The following SGCZ variants were observed in gnomAD, a reference collection of about 807,000 sequenced individuals.
SGCZ encodes the protein zeta-sarcoglycan.
Under a neutral mutation model 41.3 loss-of-function variants are expected in SGCZ, and 40 were observed. That is an observed-to-expected ratio of 0.97 (90% CI 0.75 to 1.26). SGCZ has a LOEUF of 1.26. Among genes scored for constraint, SGCZ ranks in the 50% most tolerant of loss-of-function variants. SGCZ has a pLI of 0.00. For missense variants in SGCZ, 552 were observed against 369.8 expected, an observed-to-expected ratio of 1.49 and a Z score of -4.04; for synonymous variants, 206 against 137.5, an observed-to-expected ratio of 1.50 and a Z score of -3.49.
chr8:14,121,822 G>T (rs1208977609), intron 5 of SGCZ, among the ~76,000 whole-genome samples: 1 of 152,098 alleles, frequency 6.6e-6, no homozygotes, highest in Non-Finnish European at 1.5e-5. Context: ...TTAATTTTCT[G>T]TTCTGTAAAA....
chr8:14,138,824 C>T (rs1803280857), intron 5 of SGCZ, among the ~76,000 whole-genome samples: 1 of 152,172 alleles, frequency 6.6e-6, no homozygotes, highest in Admixed American at 6.5e-5. Context: ...TTGAACTCAG[C>T]TCTGCACCAA....
At chr8:14,709,687 A>T (rs973234072) in intron 1 of SGCZ, among the ~76,000 whole-genome samples, 1 of 152,228 alleles carries the variant, frequency 6.6e-6, no homozygotes, top group Non-Finnish European at 1.5e-5. Context: ...CAAAATGAAA[A>T]AAAAAAGACA....
At chr8:14,383,896 T>C (rs949238586) in intron 2 of SGCZ, among the ~76,000 whole-genome samples, 1 of 151,902 alleles carries the variant, frequency 6.6e-6, no homozygotes, top group Non-Finnish European at 1.5e-5. Flanking sequence ...AGGCATTAAG[T>C]AACACGCTCC....
chr8:14,360,538 C>A (rs1330801680), intron 2 of SGCZ, among the ~76,000 whole-genome samples: 2 of 152,052 alleles, frequency 1.3e-5, no homozygotes, highest in Non-Finnish European at 2.9e-5. Context: ...GTTGGCCAGG[C>A]TGGTCTCGAA....
intron 1 of SGCZ, among the ~76,000 whole-genome samples, chr8:15,161,892 G>C (rs1040677811): frequency 6.6e-6 from 1 of 152,050 alleles, no homozygotes; most frequent in African/African-American, 2.4e-5. Flanking sequence ...AAAATTAGCT[G>C]GGCGTGGGGG....
At chr8:14,784,747 A>G (rs1800700304) in intron 1 of SGCZ, among the ~76,000 whole-genome samples, 1 of 150,758 alleles carries the variant, frequency 6.6e-6, no homozygotes, top group African/African-American at 2.4e-5. Context: ...ATACAAAAAT[A>G]CAAAATTAGG....
intron 2 of SGCZ, among the ~76,000 whole-genome samples, chr8:14,360,616 G>A (rs200818524): frequency 5.3e-5 from 8 of 150,704 alleles, no homozygotes; most frequent in South Asian, 2.1e-4. Context: ...GTGAGTCACC[G>A]CGCCTGGCTG....
At chr8:14,334,320 A>G (rs1802434212) in intron 2 of SGCZ, among the ~76,000 whole-genome samples, 1 of 152,084 alleles carries the variant, frequency 6.6e-6, no homozygotes, top group African/African-American at 2.4e-5. Flanking sequence ...GCAGATATTG[A>G]GCCTATGACA....
intron 1 of SGCZ, among the ~76,000 whole-genome samples, chr8:14,653,002 T>C (rs1458602153): frequency 6.6e-6 from 1 of 152,134 alleles, no homozygotes. Context: ...ATACATGCAA[T>C]TGTTAATATC....
intron 1 of SGCZ, among the ~76,000 whole-genome samples, chr8:14,862,353 C>G (rs1020389479): frequency 5.3e-5 from 8 of 151,816 alleles, no homozygotes; most frequent in African/African-American, 1.9e-4. Flanking sequence ...AGTGGCACAA[C>G]AGATCACTAA....
chr8:14,283,559 G>T (rs1420867176), intron 3 of SGCZ, among the ~76,000 whole-genome samples: 5 of 152,220 alleles, frequency 3.3e-5, no homozygotes, highest in Non-Finnish European at 7.4e-5. Flanking sequence ...AGTACTTGGG[G>T]TGTACAGTGT....
At chr8:15,058,524 A>G (rs747676152) in intron 1 of SGCZ, among the ~76,000 whole-genome samples, 21 of 152,190 alleles carry the variant, frequency 1.4e-4, no homozygotes, top group Non-Finnish European at 2.8e-4. Context: ...TTAATTTTCC[A>G]TGCACCTTAA....
rs76879804 is a variant in SGCZ at position 15,019,078 on chromosome 8, C to T, written c.39+218507G>A. Among the ~76,000 whole-genome samples the T allele has an allele frequency of 3.7e-3, 558 of 152,260 alleles. 4 individuals carry two copies. Among genetic ancestry groups the T allele is most frequent in the African/African-American group, 0.012 (514 of 41,540 alleles). On this transcript the variant is annotated intron_variant, in intron 1 of 7. Transcript: ENST00000382080. ...TCATGAGAACAGCAAAGGGGAAATC[C>T]GCCTCCATGATCCAATTACCTCCCA...
chr8:15,048,760 C>T (rs1174570890), intron 1 of SGCZ, among the ~76,000 whole-genome samples: 1 of 152,020 alleles, frequency 6.6e-6, no homozygotes, highest in Non-Finnish European at 1.5e-5. Context: ...AATCCATATG[C>T]ATTTTTTATA....
intron 1 of SGCZ, among the ~76,000 whole-genome samples, chr8:14,754,399 T>C (rs1193884021): frequency 1.3e-5 from 2 of 152,186 alleles, no homozygotes; most frequent in East Asian, 1.9e-4. Context: ...CACTCTAACA[T>C]GCCATATAAT....
intron 1 of SGCZ, among the ~76,000 whole-genome samples, chr8:14,979,041 C>G (rs1197327202): frequency 6.6e-6 from 1 of 152,176 alleles, no homozygotes; most frequent in Non-Finnish European, 1.5e-5. Flanking sequence ...TCAAGTGATT[C>G]ACCTGCCTCA....
chr8:14,778,532 A>T (rs1289235220), intron 1 of SGCZ, among the ~76,000 whole-genome samples: 3 of 152,120 alleles, frequency 2.0e-5, no homozygotes, highest in Non-Finnish European at 4.4e-5. Flanking sequence ...TTAAAAAAAA[A>T]CAGAAAAGAC....
intron 1 of SGCZ, among the ~76,000 whole-genome samples, chr8:14,698,829 CT>C (rs1350205282): frequency 1.3e-5 from 2 of 151,832 alleles, no homozygotes; most frequent in Non-Finnish European, 2.9e-5. Flanking sequence ...AATTACACTT[CT>C]AGAAATGAAA....
chr8:15,111,624 G>T lies in SGCZ; in HGVS notation c.39+125961C>A, dbSNP rs906926092. Among the ~76,000 whole-genome samples the T allele has an allele frequency of 2.0e-5, 3 of 152,166 alleles. No homozygotes were observed. In the East Asian group the frequency reaches 5.8e-4, roughly 29 times the overall value. On this transcript the variant is annotated intron_variant, in intron 1 of 7. Coordinates refer to ENST00000382080, the MANE Select transcript of SGCZ (RefSeq NM_139167.4). ...TGAAATAAATCCCTACATTTCGGCC[G>T]GGTGTGGTGGTTCACGCCTGTAATC...
Sources: gnomAD v4.1 joint callset for allele counts (sites outside exome capture counted in the v4.1 genomes callset) on GRCh38, gnomAD v4.1.1 for gene constraint, MANE v1.5 for transcripts, NCBI Gene and HGNC (gene_info 2026-07-23, HGNC 2026-07-21) for gene names.